Variants in GRK6 observed in about 807,000 individuals in gnomAD.
GRK6 encodes G protein-coupled receptor kinase 6.
In GRK6, 37 loss-of-function variants were observed where a neutral mutation model predicts 80.8. The ratio of observed to expected loss-of-function variants is 0.46; its 90% CI spans 0.35 to 0.60. GRK6 has a LOEUF of 0.60. Ranked by LOEUF, GRK6 falls within the 20% of genes least tolerant of loss-of-function variation. GRK6 has a pLI of 0.00. For missense variants in GRK6, 560 were observed against 784.6 expected (o/e 0.71, Z 3.42); for synonymous variants, 295 against 320.9 (o/e 0.92, Z 0.86).
Position 177,432,385 on chromosome 5 carries a change from A to G in GRK6, c.339+75A>G, listed in dbSNP as rs1763944162. On this transcript the variant is annotated intron_variant, in intron 4 of 15. Coordinates refer to ENST00000355472, the MANE Select transcript of GRK6 (RefSeq NM_001004106.3). The stretch of plus-strand genomic sequence containing the variant: ...CAGGCACAGGAGTGACCACAGTGTC[A>G]GGCTTCTGAGGGTGGTCTCTTCATA... The G allele has an allele frequency of 2.2e-6, 3 of 1,395,332 alleles. No individual in the cohort carries two copies. In the South Asian group the frequency reaches 3.5e-5, roughly 16 times the overall value. The allele number at this position is 1,395,332 out of a possible 1,614,324, so 86.4% of individuals were successfully genotyped here. A position where few individuals can be genotyped will look rare whatever the true frequency, so the allele number is the denominator to read the frequency against.
Position 177,440,753 on chromosome 5 carries a change from C to G in GRK6, c.1458C>G (p.Val486=). 1.2e-6 allele frequency: 2 copies of G among 1,614,210 alleles called. No homozygotes were observed. The highest frequency in any genetic ancestry group is 1.7e-6 in the Non-Finnish European group (2 of 1,180,028). Residue 486 remains valine (V), a synonymous_variant, in exon 14 of 16, where the codon GTC becomes GTG. Coordinates refer to ENST00000355472, the MANE Select transcript of GRK6 (RefSeq NM_001004106.3). Reference sequence around the variant, plus strand: ...TGGACATTGAACAGTTCTCTACGGTCAAGGGCGTGGAGCTGGAGCCTACCG... The same window carrying G: ...TGGACATTGAACAGTTCTCTACGGTGAAGGGCGTGGAGCTGGAGCCTACCG... ...DVLDIEQFST[V]KGVELEPTDQ... is the part of the protein sequence containing the mutation.
rs1170770761 is a variant in GRK6, at chr5:177,429,614, G to T, written c.53-1258G>T. Among the ~76,000 whole-genome samples, 2 of 152,196 alleles carry T rather than the reference G, an allele frequency of 1.3e-5. No individual in the cohort carries two copies. The highest frequency in any genetic ancestry group is 4.8e-5 in the African/African-American group (2 of 41,456). Reference sequence around the variant, plus strand: ...GTACTTCCTTCTCCAGGCAGCTTAGGTCGGGGAGTCATCTAGGGACCTAGC... The same window carrying T: ...GTACTTCCTTCTCCAGGCAGCTTAGTTCGGGGAGTCATCTAGGGACCTAGC... On this transcript the variant is annotated intron_variant, in intron 1 of 15. Coordinates refer to ENST00000355472, the MANE Select transcript of GRK6 (RefSeq NM_001004106.3). This position sits in a 1 kb window ranked among gnomAD's most constrained non-coding sequence, Gnocchi z 4.3.
chr5:177,437,505 C>A (rs1221320168), intron 13 of GRK6, among the ~76,000 whole-genome samples: 1 of 152,188 alleles, frequency 6.6e-6, no homozygotes, highest in African/African-American at 2.4e-5. Context: ...CACCTGTTAA[C>A]TGAGCATCTC....
At position 177,432,489 on chromosome 5, in the gene GRK6, G is replaced by T. The variant is rs373622544; in HGVS notation, c.339+179G>T. ...CAGCACGGCGGGCATGCAGCCCAGG[G>T]TATGGGCTGGGCTTGGGCCAGGCGG... On this transcript the variant is annotated intron_variant, in intron 4 of 15. Coordinates refer to ENST00000355472, the MANE Select transcript of GRK6 (RefSeq NM_001004106.3). 2.9e-3 allele frequency among the ~76,000 whole-genome samples: 440 copies of T among 152,374 alleles called. 3 individuals carry two copies. The highest frequency in any genetic ancestry group is 9.8e-3 in the African/African-American group (406 of 41,604).
chr5:177,440,847 T>C lies in GRK6; in HGVS notation c.1542+10T>C. 2 of 1,613,870 alleles carry C rather than the reference T, an allele frequency of 1.2e-6. No individual in the cohort carries two copies. Among genetic ancestry groups the C allele is most frequent in the East Asian group, 4.5e-5 (2 of 44,854 alleles). The stretch of plus-strand genomic sequence containing the variant: ...CCCCTGGCAGAACGAGGTGGGGGCC[T>C]GCCCTGCTGGTGGGGTGGGCTCCAG... On this transcript the variant is annotated intron_variant, in intron 14 of 15. Coordinates refer to ENST00000355472, the MANE Select transcript of GRK6 (RefSeq NM_001004106.3).
At chr5:177,435,525 C>T (rs1764102841) in intron 11 of GRK6, among the ~76,000 whole-genome samples, 2 of 152,236 alleles carry the variant, frequency 1.3e-5, no homozygotes, top group African/African-American at 4.8e-5. Context: ...CCTGGCTCTG[C>T]AGGCTCCGCC....
At chr5:177,430,581 C>T (rs752746752) in intron 1 of GRK6, 24 of 407,878 alleles carry the variant, frequency 5.9e-5, no homozygotes, top group Non-Finnish European at 9.5e-5. Flanking sequence ...TCCTACCTGG[C>T]GGGAAGCAAC....
At position 177,436,231 on chromosome 5, in the gene GRK6, G is replaced by C; in HGVS notation, c.1216G>C (p.Glu406Gln). Reference protein sequence around the residue: ...EVERLVKEVPEEYSERFSPQA... With the variant: ...EVERLVKEVPQEYSERFSPQA... Reference sequence around the variant, plus strand: ...GGAGCGGCTGGTGAAGGAGGTCCCCGAGGAGTATTCCGAGCGCTTTTCCCC... The same window carrying C: ...GGAGCGGCTGGTGAAGGAGGTCCCCCAGGAGTATTCCGAGCGCTTTTCCCC... The change falls in exon 12 of 16, where the codon GAG becomes CAG. Residue 406 changes from glutamate to glutamine, a missense_variant. Physicochemically the swap from Glu to Gln is conservative, Grantham distance 29. Around this residue, in one of 3 missense-constraint regions of GRK6, gnomAD observed 294 missense variants for 397.4 expected, o/e 0.74. Transcript: ENST00000355472. 1.2e-6 allele frequency: 2 copies of C among 1,614,148 alleles called. No homozygotes were observed. Among genetic ancestry groups the C allele is most frequent in the Non-Finnish European group, 1.7e-6 (2 of 1,180,024 alleles).
At position 177,433,726 on chromosome 5, in the gene GRK6, G is replaced by A. The variant is rs112283622; in HGVS notation, c.738+50G>A. The A allele has an allele frequency of 4.8e-4, 765 of 1,602,154 alleles. 12 individuals are homozygous for A. In the Admixed American group the frequency reaches 0.012, roughly 25 times the overall value. On this transcript the variant is annotated intron_variant, in intron 8 of 15. Coordinates refer to ENST00000355472, the MANE Select transcript of GRK6 (RefSeq NM_001004106.3). ...TTCCCCTTGGCCACACTGGCGCACC[G>A]ACCGTCCCCACCCCCCAGGCCCCAC... is the stretch of plus-strand genomic sequence containing the variant.
chr5:177,435,593 T>C (rs1220736515), intron 11 of GRK6, among the ~76,000 whole-genome samples: 1 of 152,168 alleles, frequency 6.6e-6, no homozygotes, highest in Admixed American at 6.5e-5. Flanking sequence ...CTCACTCTGC[T>C]CCACTGGAAA....
intron 13 of GRK6, 195 bp downstream of exon 13, chr5:177,436,725 G>A (rs892063642): frequency 1.7e-6 from 1 of 592,658 alleles, no homozygotes. Context: ...CCTGGATGGG[G>A]CTTGGAGCCT....
At position 177,431,946 on chromosome 5, in the gene GRK6, C is replaced by A. The variant is rs112677274; in HGVS notation, c.149-49C>A. ...CTGGTGGTGTGGGCACATGCCCCAC[C>A]CATGTGCTCTCGGGCTGTGGACCCA... On this transcript the variant is annotated intron_variant, in intron 2 of 15. Coordinates refer to ENST00000355472, the MANE Select transcript of GRK6 (RefSeq NM_001004106.3). The A allele has an allele frequency of 2.6e-6, 4 of 1,513,442 alleles. No homozygotes were observed. In the East Asian group the frequency reaches 9.0e-5, roughly 34 times the overall value. The allele number at this position is 1,513,442 out of a possible 1,614,324, so 93.8% of individuals were successfully genotyped here.
At chr5:177,433,482 A>C (rs1053806579) in intron 7 of GRK6, 54 bp from the exon 8 acceptor site, 1 of 1,612,324 alleles carries the variant, frequency 6.2e-7, no homozygotes, top group Non-Finnish European at 8.5e-7. Context: ...CACCCCCTGG[A>C]TGCCCAGCAA....
chr5:177,441,150 G>T, intron 15 of GRK6, 97 bp downstream of exon 15: 2 of 1,508,302 alleles, frequency 1.3e-6, no homozygotes, highest in Admixed American at 1.9e-5. Context: ...GGGAGTGGGC[G>T]TCCTCCAGTC....
chr5:177,439,455 G>A (rs1472154010), intron 13 of GRK6, among the ~76,000 whole-genome samples: 1 of 151,322 alleles, frequency 6.6e-6, no homozygotes, highest in Admixed American at 6.6e-5. Flanking sequence ...CAGGAGAATC[G>A]CTTGAACCTA....
chr5:177,429,988 A>T lies in GRK6; in HGVS notation c.53-884A>T, dbSNP rs928479861. Among the ~76,000 whole-genome samples the T allele has an allele frequency of 6.6e-6, 1 of 150,616 alleles. No individual in the cohort carries two copies. Among genetic ancestry groups the T allele is most frequent in the Non-Finnish European group, 1.5e-5 (1 of 67,824 alleles). ...GCCCACAGGCCACACACATTTGGCT[A>T]GCTCCCTGACACATTTTATTTGGCT... On this transcript the variant is annotated intron_variant, in intron 1 of 15. Coordinates refer to ENST00000355472, the MANE Select transcript of GRK6 (RefSeq NM_001004106.3). This position sits in a 1 kb window ranked among gnomAD's most constrained non-coding sequence, Gnocchi z 4.3.
At chr5:177,426,443 T>A (rs1581669560), upstream of GRK6, 1 of 152,200 alleles carries the variant, frequency 6.6e-6, no homozygotes, top group East Asian at 1.9e-4. Flanking sequence ...AGCCTAGAAA[T>A]TCGAACCTAG....
intron 15 of GRK6, 94 bp downstream of exon 15, chr5:177,441,147 G>A (rs922957019): frequency 2.0e-6 from 3 of 1,535,168 alleles, no homozygotes; most frequent in Non-Finnish European, 2.7e-6. Context: ...GCTGGGAGTG[G>A]GCGTCCTCCA....
intron 7 of GRK6, 48 bp downstream of exon 7, chr5:177,433,458 G>C: frequency 1.2e-6 from 2 of 1,611,158 alleles, no homozygotes; most frequent in Non-Finnish European, 1.7e-6. Context: ...GGGTGGGTGT[G>C]TTGGGACCTG....
Sources: allele counts gnomAD v4.1 joint callset (sites outside exome capture counted in the v4.1 genomes callset), GRCh38; gene constraint gnomAD v4.1.1; regional missense constraint gnomAD v4.1.1; non-coding constraint Gnocchi (gnomAD v3.1); transcripts MANE v1.5; gene names NCBI Gene and HGNC (gene_info 2026-07-23, HGNC 2026-07-21).